Variants in LSAMP observed in about 807,000 individuals in gnomAD.
LSAMP encodes limbic system-associated membrane protein.
Under a neutral mutation model 38.6 loss-of-function variants are expected in LSAMP, and 7 were observed. The ratio of observed to expected loss-of-function variants is 0.18; its 90% CI spans 0.10 to 0.34. The LOEUF is 0.34. Ranked by LOEUF, LSAMP falls within the 10% of genes least tolerant of loss-of-function variation. The probability of loss-of-function intolerance (pLI) is 1.00; values close to 1 mark genes in which losing one functional copy is unlikely to be tolerated. For missense variants in LSAMP, 313 were observed against 420.0 expected (o/e 0.75, Z 2.23); for synonymous variants, 154 against 166.8 (o/e 0.92, Z 0.59).
chr3:116,400,183 A>T (rs1576193945), intron 1 of LSAMP, among the ~76,000 whole-genome samples: 4 of 152,132 alleles, frequency 2.6e-5, no homozygotes, highest in Admixed American at 2.6e-4. Flanking sequence ...TTGTACTATT[A>T]GGCTTTAGTT....
intron 1 of LSAMP, among the ~76,000 whole-genome samples, chr3:116,198,255 T>G (rs2045937572): frequency 6.6e-6 from 1 of 152,186 alleles, no homozygotes; most frequent in Non-Finnish European, 1.5e-5. Flanking sequence ...AAAATAGACT[T>G]GATGTTCCTT....
intron 1 of LSAMP, among the ~76,000 whole-genome samples, chr3:116,410,926 C>T (rs2048966311): frequency 6.6e-6 from 1 of 152,084 alleles, no homozygotes; most frequent in Admixed American, 6.6e-5. Flanking sequence ...CTCTATTTCT[C>T]CAGGCCATAG....
chr3:115,987,294 T>C (rs2107636591), intron 3 of LSAMP, among the ~76,000 whole-genome samples: 2 of 152,258 alleles, frequency 1.3e-5, no homozygotes, highest in East Asian at 1.9e-4. Flanking sequence ...TTTCTTCTGG[T>C]TGAGGAAGTT....
chr3:115,838,576 G>C (rs1934873632), intron 6 of LSAMP, among the ~76,000 whole-genome samples: 1 of 152,184 alleles, frequency 6.6e-6, no homozygotes, highest in African/African-American at 2.4e-5. Flanking sequence ...TTAGCCCAAG[G>C]ATGAAGAAAA....
chr3:116,310,718 T>G (rs2047546561), intron 1 of LSAMP, among the ~76,000 whole-genome samples: 1 of 152,118 alleles, frequency 6.6e-6, no homozygotes, highest in African/African-American at 2.4e-5. Context: ...AAATGATGCC[T>G]AAAGATCTTA....
At chr3:116,322,374 C>T (rs961088704) in intron 1 of LSAMP, among the ~76,000 whole-genome samples, 10 of 152,132 alleles carry the variant, frequency 6.6e-5, no homozygotes, top group African/African-American at 1.9e-4. Context: ...CTTATTCAAC[C>T]AGAAACATGC....
At chr3:116,281,639 T>C (rs2047128716) in intron 1 of LSAMP, among the ~76,000 whole-genome samples, 1 of 152,244 alleles carries the variant, frequency 6.6e-6, no homozygotes, top group East Asian at 1.9e-4. Flanking sequence ...ATGCTATTAC[T>C]ATTATTACTT....
chr3:116,043,674 G>A (rs2107721490), intron 2 of LSAMP, among the ~76,000 whole-genome samples: 1 of 152,334 alleles, frequency 6.6e-6, no homozygotes, highest in Admixed American at 6.5e-5. Context: ...TGCCGGGCGC[G>A]GTGGCTCACG....
intron 1 of LSAMP, among the ~76,000 whole-genome samples, chr3:116,176,312 G>T (rs1710336422): frequency 1.3e-5 from 2 of 151,982 alleles, no homozygotes; most frequent in South Asian, 2.1e-4. Context: ...AAGAAAAACA[G>T]GGAAAAATAA....
intron 1 of LSAMP, among the ~76,000 whole-genome samples, chr3:116,220,931 G>T (rs1285754491): frequency 6.6e-6 from 1 of 152,122 alleles, no homozygotes; most frequent in African/African-American, 2.4e-5. Context: ...GGGGCAGGCG[G>T]ATCACGAGGT....
At chr3:116,035,630 G>C (rs1231858126) in intron 2 of LSAMP, among the ~76,000 whole-genome samples, 1 of 151,896 alleles carries the variant, frequency 6.6e-6, no homozygotes, top group East Asian at 1.9e-4. Flanking sequence ...TTTAATCCTT[G>C]GTTTATACAC....
intron 4 of LSAMP, among the ~76,000 whole-genome samples, chr3:115,851,018 T>C (rs1045433963): frequency 6.6e-6 from 1 of 152,174 alleles, no homozygotes; most frequent in South Asian, 2.1e-4. Flanking sequence ...TTGTTGCCCA[T>C]GCTGAAGTGC....
chr3:115,976,276 TA>T (rs1384601856), intron 3 of LSAMP, among the ~76,000 whole-genome samples: 3 of 152,212 alleles, frequency 2.0e-5, no homozygotes, highest in African/African-American at 7.2e-5. Flanking sequence ...TTCCAGAAAA[TA>T]AACAATCCTT....
rs1710404483 is a variant in LSAMP, at chr3:116,178,415, AC to A, written c.156-91860del. On this transcript the variant is annotated intron_variant, in intron 1 of 6. Coordinates refer to ENST00000490035, the MANE Select transcript of LSAMP (RefSeq NM_002338.5). ...ACTCCTGACCTCAAGTGATCTGCCC[AC>A]CTCATCCTCTCAAAGTGCTGGGATT... Among the ~76,000 whole-genome samples the A allele has an allele frequency of 3.3e-5, 5 of 152,156 alleles. No individual in the cohort carries two copies. The South Asian group carries it at 1.0e-3, about 32-fold the overall frequency.
chr3:115,953,883 C>A (rs1163357465), intron 3 of LSAMP, among the ~76,000 whole-genome samples: 4 of 152,140 alleles, frequency 2.6e-5, no homozygotes, highest in Non-Finnish European at 5.9e-5. Flanking sequence ...ATGCTCTGCC[C>A]AGTTCTTTCC....
intron 3 of LSAMP, among the ~76,000 whole-genome samples, chr3:115,999,042 G>A (rs956825585): frequency 6.6e-6 from 1 of 152,118 alleles, no homozygotes; most frequent in Non-Finnish European, 1.5e-5. Context: ...CTGTGTTGCT[G>A]CTGCTCATGG....
At chr3:115,864,007 C>G (rs957179107) in intron 3 of LSAMP, among the ~76,000 whole-genome samples, 2 of 152,100 alleles carry the variant, frequency 1.3e-5, no homozygotes, top group African/African-American at 4.8e-5. Flanking sequence ...AAAAAGTTTT[C>G]ATGACTATCC....
At chr3:116,137,956 G>T (rs978575229) in intron 1 of LSAMP, among the ~76,000 whole-genome samples, 1 of 152,074 alleles carries the variant, frequency 6.6e-6, no homozygotes, top group Non-Finnish European at 1.5e-5. Context: ...ATGTTCAAAG[G>T]GCAAGAGCTA....
At chr3:116,436,990 T>C (rs1559867774) in intron 1 of LSAMP, among the ~76,000 whole-genome samples, 1 of 150,468 alleles carries the variant, frequency 6.6e-6, no homozygotes, top group Non-Finnish European at 1.5e-5. Context: ...CATATATATA[T>C]ATGCATATAT....
Sources: allele counts gnomAD v4.1 joint callset (sites outside exome capture counted in the v4.1 genomes callset), GRCh38; gene constraint gnomAD v4.1.1; transcripts MANE v1.5; gene names NCBI Gene and HGNC (gene_info 2026-07-23, HGNC 2026-07-21).